Variants in CALCR observed in about 807,000 individuals in gnomAD.
CALCR encodes calcitonin receptor.
In CALCR, 47 loss-of-function variants were observed where a neutral mutation model predicts 59.5. The observed-to-expected ratio is 0.79, with a 90% CI of 0.63 to 1.01. The LOEUF is 1.01. CALCR is among the 50% of genes least tolerant of loss of function. The pLI is 0.00. For synonymous variants in CALCR, 213 were observed against 211.3 expected (o/e 1.01, Z -0.07); for missense variants, 566 against 597.1 (o/e 0.95, Z 0.54).
intron 8 of CALCR, among the ~76,000 whole-genome samples, chr7:93,444,868 T>C (rs941794425): frequency 6.6e-5 from 10 of 152,118 alleles, no homozygotes; most frequent in Admixed American, 2.0e-4. Context: ...ATTTTAGGCC[T>C]TTTCCTTAAA....
At chr7:93,455,661 G>A (rs1428526430) in intron 8 of CALCR, among the ~76,000 whole-genome samples, 2 of 151,892 alleles carry the variant, frequency 1.3e-5, no homozygotes, top group African/African-American at 4.8e-5. Context: ...AGAAAAGATG[G>A]GTCTTGAAAA....
intron 2 of CALCR, among the ~76,000 whole-genome samples, chr7:93,536,801 A>G (rs984134069): frequency 6.6e-6 from 1 of 151,720 alleles, no homozygotes; most frequent in African/African-American, 2.4e-5. Context: ...TCTTGACATA[A>G]GAAATTAGTG....
intron 8 of CALCR, among the ~76,000 whole-genome samples, chr7:93,459,569 C>A (rs546397758): frequency 6.6e-6 from 1 of 152,258 alleles, no homozygotes; most frequent in East Asian, 1.9e-4. Context: ...CTGATGATTT[C>A]CAAACTTGGC....
chr7:93,486,842 T>G (rs1351296629), intron 3 of CALCR, 89 bp downstream of exon 3: 2 of 844,072 alleles, frequency 2.4e-6, no homozygotes, highest in African/African-American at 3.5e-5. Context: ...TGCCTACCCT[T>G]GCAAATACTA....
chr7:93,484,105 T>A, intron 3 of CALCR: 1 of 391,080 alleles, frequency 2.6e-6, no homozygotes, highest in South Asian at 1.9e-5. Flanking sequence ...CAGGCACTCT[T>A]CTAGGTTCTG....
At chr7:93,454,442 A>T (rs906927931) in intron 8 of CALCR, among the ~76,000 whole-genome samples, 3 of 152,020 alleles carry the variant, frequency 2.0e-5, no homozygotes, top group African/African-American at 7.2e-5. Context: ...TTTCCAGTAA[A>T]AACTAATCTC....
At chr7:93,528,822 G>C (rs769732388) in intron 2 of CALCR, among the ~76,000 whole-genome samples, 2 of 151,978 alleles carry the variant, frequency 1.3e-5, no homozygotes, top group Non-Finnish European at 2.9e-5. Flanking sequence ...CCTGATTAAG[G>C]CTTCTGATGT....
intron 12 of CALCR, among the ~76,000 whole-genome samples, chr7:93,435,121 G>A (rs184821357): frequency 6.6e-5 from 10 of 152,156 alleles, no homozygotes; most frequent in East Asian, 3.9e-4. Flanking sequence ...TATCCAGTGC[G>A]GCAGACACTG....
chr7:93,499,957 C>T (rs904034398), intron 2 of CALCR, among the ~76,000 whole-genome samples: 2 of 151,836 alleles, frequency 1.3e-5, no homozygotes, highest in Admixed American at 6.6e-5. Context: ...CTTATACACA[C>T]ACTGTTGAAA....
chr7:93,500,234 T>C (rs2115997311), intron 2 of CALCR, among the ~76,000 whole-genome samples: 1 of 152,040 alleles, frequency 6.6e-6, no homozygotes, highest in Admixed American at 6.6e-5. Flanking sequence ...TGCAGTGAAG[T>C]TCTAAAGCTT....
At chr7:93,463,999 T>A (rs1439137953) in intron 7 of CALCR, among the ~76,000 whole-genome samples, 1 of 152,000 alleles carries the variant, frequency 6.6e-6, no homozygotes, top group Non-Finnish European at 1.5e-5. Flanking sequence ...CCAATCAAGG[T>A]GTCATTCAAA....
At chr7:93,551,707 G>T (rs916691105) in intron 2 of CALCR, among the ~76,000 whole-genome samples, 2 of 152,154 alleles carry the variant, frequency 1.3e-5, no homozygotes, top group Admixed American at 1.3e-4. Context: ...AGGATGGAAG[G>T]TGCCAGTGAC....
intron 8 of CALCR, among the ~76,000 whole-genome samples, chr7:93,457,143 C>T (rs900224913): frequency 2.6e-5 from 4 of 152,054 alleles, no homozygotes; most frequent in Non-Finnish European, 5.9e-5. Flanking sequence ...CTGCCAAGAG[C>T]AATTAATAGA....
At chr7:93,436,232 G>A in intron 11 of CALCR, 62 bp from the exon 12 acceptor site, 1 of 1,328,286 alleles carries the variant, frequency 7.5e-7, no homozygotes. Flanking sequence ...AATATGCACT[G>A]TTCTCAATTC....
chr7:93,460,489 G>A (rs1166826803), intron 8 of CALCR, among the ~76,000 whole-genome samples: 1 of 147,862 alleles, frequency 6.8e-6, no homozygotes, highest in Non-Finnish European at 1.5e-5. Flanking sequence ...CCGGGAGGCG[G>A]AGGTTGCAGT....
chr7:93,481,328 G>A (rs1242223497), intron 3 of CALCR, among the ~76,000 whole-genome samples: 1 of 151,752 alleles, frequency 6.6e-6, no homozygotes, highest in Admixed American at 6.6e-5. Context: ...AAAGTTGCGG[G>A]GTGGGGTGGG....
At chr7:93,551,061 C>G (rs1789444459) in intron 2 of CALCR, among the ~76,000 whole-genome samples, 1 of 152,112 alleles carries the variant, frequency 6.6e-6, no homozygotes, top group Non-Finnish European at 1.5e-5. Flanking sequence ...CAAACCAACA[C>G]AAAACAAGAT....
chr7:93,521,312 T>C (rs1028461114), intron 2 of CALCR, among the ~76,000 whole-genome samples: 1 of 152,130 alleles, frequency 6.6e-6, no homozygotes, highest in Non-Finnish European at 1.5e-5. Context: ...TAGGAAGATA[T>C]GTCTGGTATA....
At chr7:93,457,096 A>G (rs1800223915) in intron 8 of CALCR, among the ~76,000 whole-genome samples, 1 of 152,178 alleles carries the variant, frequency 6.6e-6, no homozygotes, top group Non-Finnish European at 1.5e-5. Context: ...TAAAAAGCCT[A>G]CGAAAGTGGA....
Sources: gnomAD v4.1 joint callset for allele counts (sites outside exome capture counted in the v4.1 genomes callset) on GRCh38, gnomAD v4.1.1 for gene constraint, MANE v1.5 for transcripts, NCBI Gene and HGNC (gene_info 2026-07-23, HGNC 2026-07-21) for gene names.